GCA: variants seen among roughly 807,000 people sequenced by gnomAD.
The protein encoded by GCA is grancalcin, EF-hand calcium-binding protein.
Under a neutral mutation model 32.6 loss-of-function variants are expected in GCA, and 30 were observed. The observed-to-expected ratio is 0.92, with a 90% CI of 0.69 to 1.25. The LOEUF is 1.25. Among genes scored for constraint, GCA ranks in the 50% most tolerant of loss-of-function variants. The probability of loss-of-function intolerance (pLI) is 0.00; values close to 1 mark genes in which losing one functional copy is unlikely to be tolerated. For synonymous variants in GCA, 102 were observed against 84.6 expected, an observed-to-expected ratio of 1.21 and a Z score of -1.13; for missense variants, 291 against 266.8, an observed-to-expected ratio of 1.09 and a Z score of -0.63.
intron 1 of GCA, among the ~76,000 whole-genome samples, chr2:162,324,935 A>T (rs1683821078): frequency 6.6e-6 from 1 of 152,062 alleles, no homozygotes; most frequent in South Asian, 2.1e-4. Flanking sequence ...GGCAAAGGAG[A>T]GCCATCGTCC....
chr2:162,370,837 T>A (rs1685907327), intron 4 of GCA, among the ~76,000 whole-genome samples: 1 of 152,062 alleles, frequency 6.6e-6, no homozygotes, highest in South Asian at 2.1e-4. Context: ...GATCAAGGCC[T>A]GCTGCACTCT....
At chr2:162,348,657 A>T (rs143650251) in intron 2 of GCA, among the ~76,000 whole-genome samples, 1 of 152,188 alleles carries the variant, frequency 6.6e-6, no homozygotes, top group South Asian at 2.1e-4. Context: ...GTTCAAGTAC[A>T]TGAATTCTGT....
At chr2:162,346,019 T>A (rs1220651603) in intron 1 of GCA, among the ~76,000 whole-genome samples, 4 of 152,224 alleles carry the variant, frequency 2.6e-5, no homozygotes, top group Non-Finnish European at 5.9e-5. Context: ...TTTTACTTTC[T>A]TCTTTTAAGA....
intron 2 of GCA, among the ~76,000 whole-genome samples, chr2:162,351,986 G>C (rs1242653868): frequency 1.3e-5 from 2 of 152,086 alleles, no homozygotes; most frequent in African/African-American, 4.8e-5. Context: ...AACAGCATGA[G>C]TGGGGATGTT....
chr2:162,362,689 TCAGTTCAAATAA>T lies in GCA; in HGVS notation c.*2451_*2462del, dbSNP rs1685628228. On this transcript the variant is annotated 3_prime_UTR_variant, in exon 8 of 8. Transcript: ENST00000437150. ...ACATATATATATATTATGAGATGCTTCAGTTCAAATAACAGTGCAGTAATTCACCTATATCTA... is the reference window on the plus strand; with the variant it reads ...ACATATATATATATTATGAGATGCTTCAGTGCAGTAATTCACCTATATCTA... 2.2e-6 allele frequency: 1 copy of T among 464,886 alleles called. No individual in the cohort carries two copies. 28.8% of individuals were successfully genotyped at this position (464,886 alleles called of 1,614,324 possible). A position where few individuals can be genotyped will look rare whatever the true frequency, so the allele number is the denominator to read the frequency against.
chr2:162,322,605 T>C (rs1221244832), intron 1 of GCA, among the ~76,000 whole-genome samples: 1 of 135,750 alleles, frequency 7.4e-6, no homozygotes, highest in Non-Finnish European at 1.5e-5. Flanking sequence ...CTCCTTCCTG[T>C]GTCCATGTGT....
intron 1 of GCA, among the ~76,000 whole-genome samples, chr2:162,328,226 A>G (rs1238115985): frequency 6.6e-6 from 1 of 151,428 alleles, no homozygotes; most frequent in East Asian, 1.9e-4. Flanking sequence ...ACCAAAAAAA[A>G]AAAAAAAAAA....
intron 1 of GCA, among the ~76,000 whole-genome samples, chr2:162,323,647 A>G (rs994329009): frequency 1.3e-5 from 2 of 151,882 alleles, no homozygotes; most frequent in African/African-American, 4.9e-5. Context: ...TTTTCCCAGC[A>G]CCATTTATTA....
At chr2:162,358,902 A>C in intron 5 of GCA, 142 bp from the exon 6 acceptor site, 1 of 509,460 alleles carries the variant, frequency 2.0e-6, no homozygotes, top group East Asian at 3.2e-5. Flanking sequence ...TGTCTGATGA[A>C]TTTCAATATT....
chr2:162,369,226 TTGGC>T (rs1685847909), intron 4 of GCA, among the ~76,000 whole-genome samples: 1 of 152,034 alleles, frequency 6.6e-6, no homozygotes, highest in South Asian at 2.1e-4. Flanking sequence ...CATTAGATCT[TTGGC>T]TGGGGAAAGG....
intron 4 of GCA, among the ~76,000 whole-genome samples, chr2:162,369,113 T>C (rs768694352): frequency 1.2e-4 from 19 of 152,120 alleles, no homozygotes; most frequent in Non-Finnish European, 2.6e-4. Context: ...ACTGCCATTA[T>C]GATTGGCTGC....
downstream of GCA, among the ~76,000 whole-genome samples, chr2:162,367,790 A>C (rs1176467769): frequency 6.6e-6 from 1 of 152,000 alleles, no homozygotes; most frequent in Admixed American, 6.6e-5. Context: ...CAAGGAACTC[A>C]GCATTTTTTG....
intron 1 of GCA, among the ~76,000 whole-genome samples, chr2:162,322,498 C>T (rs1683710111): frequency 6.6e-6 from 1 of 150,902 alleles, no homozygotes; most frequent in Non-Finnish European, 1.5e-5. Flanking sequence ...TGCTGGTGCG[C>T]TGCACCCACT....
Position 162,356,835 on chromosome 2 carries a change from C to A in GCA, c.384C>A (p.Phe128Leu). 1 of 1,610,210 alleles carries A rather than the reference C, an allele frequency of 6.2e-7. No individual in the cohort carries two copies. The highest frequency in any genetic ancestry group is 8.5e-7 in the Non-Finnish European group (1 of 1,177,052). ...CTCTTAATGCCTGGAAGGAAAACTT[C>A]ATGACTGTTGATCAAGATGGAAGTG... The part of the protein sequence containing the change: ...WAALNAWKEN[F>L]MTVDQDGSGT... Residue 128 changes from phenylalanine to leucine, a missense_variant, in exon 5 of 8, where the codon TTC becomes TTA. Coordinates refer to ENST00000437150, the MANE Select transcript of GCA (RefSeq NM_012198.5).
At chr2:162,325,724 C>T (rs1683852662) in intron 1 of GCA, among the ~76,000 whole-genome samples, 1 of 152,200 alleles carries the variant, frequency 6.6e-6, no homozygotes, top group African/African-American at 2.4e-5. Context: ...TCTGTCTGCA[C>T]TTGCTGAACG....
downstream of GCA, chr2:162,371,744 G>T: frequency 7.8e-7 from 1 of 1,288,700 alleles, no homozygotes; most frequent in Non-Finnish European, 1.1e-6. Flanking sequence ...GAGCCCCTGA[G>T]TCAAGTAGAG....
intron 1 of GCA, among the ~76,000 whole-genome samples, chr2:162,323,028 T>C (rs1199792167): frequency 2.6e-5 from 4 of 151,918 alleles, no homozygotes; most frequent in African/African-American, 7.3e-5. Flanking sequence ...CCACCAACAG[T>C]GCAAAAGTGT....
intron 1 of GCA, among the ~76,000 whole-genome samples, chr2:162,336,354 C>T (rs1684270425): frequency 6.6e-6 from 1 of 152,118 alleles, no homozygotes; most frequent in African/African-American, 2.4e-5. Context: ...AAATCAAATA[C>T]ATAATTATTT....
downstream of GCA, among the ~76,000 whole-genome samples, chr2:162,365,075 A>G (rs1448006468): frequency 1.3e-5 from 2 of 151,522 alleles, no homozygotes; most frequent in African/African-American, 2.4e-5. Context: ...CACCATGCCT[A>G]TATCTAGTAC....
Sources: gnomAD v4.1 joint callset for allele counts (sites outside exome capture counted in the v4.1 genomes callset) on GRCh38, gnomAD v4.1.1 for gene constraint, MANE v1.5 for transcripts, NCBI Gene and HGNC (gene_info 2026-07-23, HGNC 2026-07-21) for gene names.